LAMA1: variants seen among roughly 807,000 people sequenced by gnomAD.
LAMA1 encodes the protein laminin subunit alpha-1.
LAMA1 carries 219 observed loss-of-function variants against 348.7 expected under a neutral mutation model. The observed-to-expected ratio is 0.63, with a 90% CI of 0.56 to 0.70. The LOEUF is 0.70. LAMA1 is among the 30% of genes least tolerant of loss of function. The pLI, the probability that LAMA1 is intolerant of heterozygous loss-of-function variation, is 0.00. For synonymous variants in LAMA1, 1,487 were observed against 1,491.0 expected (o/e 1.00, Z 0.06); for missense variants, 3,744 against 3,888.0 (o/e 0.96, Z 0.99).
Position 7,017,191 on chromosome 18 carries a change from A to G in LAMA1, c.2808+87T>C, listed in dbSNP as rs201082044. ...TATAGCAGTGTGAGAACAAACTAAT[A>G]CACTTGGGGACTTAGCTCCTTCTGA... On this transcript the variant is annotated intron_variant, in intron 20 of 62. Coordinates refer to ENST00000389658, the MANE Select transcript of LAMA1 (RefSeq NM_005559.4). 6.0e-6 allele frequency: 6 copies of G among 1,002,772 alleles called. No homozygotes were observed. The East Asian group carries it at 1.5e-4, about 25-fold the overall frequency. The allele number at this position is 1,002,772 out of a possible 1,614,324, so 62.1% of individuals were successfully genotyped here. A position where few individuals can be genotyped will look rare whatever the true frequency, so the allele number is the denominator to read the frequency against.
intron 56 of LAMA1, chr18:6,955,998 T>A (rs115037570): frequency 3.2e-6 from 1 of 308,398 alleles, no homozygotes; most frequent in Admixed American, 4.8e-5. Flanking sequence ...CTGCGGGCTG[T>A]CCTAAGAGTG....
intron 57 of LAMA1, among the ~76,000 whole-genome samples, chr18:6,953,174 C>A (rs1156547180): frequency 1.6e-5 from 2 of 128,732 alleles, no homozygotes; most frequent in Non-Finnish European, 3.2e-5. Flanking sequence ...CTGTGTCCAG[C>A]GGATCCACGC....
In LAMA1 at chr18:7,107,841, C is replaced by T. The variant is rs148871292; in HGVS notation, c.61+9819G>A. ...CGTCCTGGCTACCATGGTGAAACCCCGTCTCTACTAAAAATACAAAAAATT... is the reference window on the plus strand; with the variant it reads ...CGTCCTGGCTACCATGGTGAAACCCTGTCTCTACTAAAAATACAAAAAATT... On this transcript the variant is annotated intron_variant, in intron 1 of 62. Coordinates refer to ENST00000389658, the MANE Select transcript of LAMA1 (RefSeq NM_005559.4). Among the ~76,000 whole-genome samples, 635 of 150,992 alleles carry T rather than the reference C, an allele frequency of 4.2e-3. 4 individuals carry two copies. Among genetic ancestry groups the T allele is most frequent in the African/African-American group, 0.014 (593 of 41,190 alleles).
chr18:7,042,114 T>C, intron 9 of LAMA1, 31 bp downstream of exon 9: 1 of 1,457,808 alleles, frequency 6.9e-7, no homozygotes, highest in Admixed American at 1.7e-5. Flanking sequence ...ACAAAATCAA[T>C]TACAAGCACA....
chr18:7,100,359 G>A (rs1372071523), intron 1 of LAMA1, among the ~76,000 whole-genome samples: 1 of 152,016 alleles, frequency 6.6e-6, no homozygotes. Flanking sequence ...CATAGTGTTG[G>A]TAAGAATGTG....
At chr18:7,097,861 C>CCCACGGTCTCCCTCTCCCCTCTTT (rs2058268796) in intron 1 of LAMA1, among the ~76,000 whole-genome samples, 1 of 151,218 alleles carries the variant, frequency 6.6e-6, no homozygotes, top group African/African-American at 2.4e-5. Context: ...CTCCCCTCTC[C>CCCACGGTCTCCCTCTCCCCTCTTT]CCACGGTCTC....
chr18:6,950,919 A>T lies in LAMA1; in HGVS notation c.8260T>A (p.Tyr2754Asn). 1 of 1,614,202 alleles carries T rather than the reference A, an allele frequency of 6.2e-7. No homozygotes were observed. The highest frequency in any genetic ancestry group is 1.1e-5 in the South Asian group (1 of 91,084). The part of the protein sequence containing the change: ...RTFASSGLIY[Y>N]MAHQNQADYA... ...TCTGCTTGGTTCTGATGAGCCATGT[A>T]GTAAATCAGGCCGCTGGAGGCGAAC... The change falls in exon 58 of 63, where the codon TAC becomes AAC. Residue 2754 changes from tyrosine to asparagine, a missense_variant. This residue lies in a region of LAMA1 where 1,983 missense variants were observed against 1,934.3 expected (regional missense o/e 1.03). Transcript: ENST00000389658.
chr18:7,055,041 A>C (rs930642462), intron 3 of LAMA1, among the ~76,000 whole-genome samples: 3 of 152,002 alleles, frequency 2.0e-5, no homozygotes, highest in African/African-American at 7.2e-5. Context: ...ACGGAAGTCA[A>C]ATGTTATTCA....
chr18:7,014,421 G>T (rs1290971966), intron 22 of LAMA1, among the ~76,000 whole-genome samples: 1 of 152,122 alleles, frequency 6.6e-6, no homozygotes, highest in Non-Finnish European at 1.5e-5. Context: ...AGGAGTTTGA[G>T]ACCAGCCTGG....
At position 7,103,193 on chromosome 18, in the gene LAMA1, G is replaced by A. The variant is rs376156401; in HGVS notation, c.61+14467C>T. On this transcript the variant is annotated intron_variant, in intron 1 of 62. Coordinates refer to ENST00000389658, the MANE Select transcript of LAMA1 (RefSeq NM_005559.4). ...ACCACTTTGGGAGGCCGAGGCAGGC[G>A]GATCACGAGGTCAGGAGATCAAGAC... 1.7e-3 allele frequency among the ~76,000 whole-genome samples: 254 copies of A among 152,212 alleles called. 1 individual carries two copies. The highest frequency in any genetic ancestry group is 5.4e-3 in the African/African-American group (226 of 41,552).
At position 6,965,469 on chromosome 18, in the gene LAMA1, T is replaced by G; in HGVS notation, c.7051-37A>C. ...AGAACACAGTTCCCCAGGTTATAGC[T>G]TTATCCCAGGTTTCCCTTTCCCTTC... is the stretch of plus-strand genomic sequence containing the variant. On this transcript the variant is annotated intron_variant, in intron 49 of 62. Coordinates refer to ENST00000389658, the MANE Select transcript of LAMA1 (RefSeq NM_005559.4). 1.9e-6 allele frequency: 3 copies of G among 1,612,398 alleles called. No individual in the cohort carries two copies. The South Asian group carries it at 3.3e-5, about 18-fold the overall frequency.
At chr18:6,999,792 C>T in intron 31 of LAMA1, 119 bp downstream of exon 31, 1 of 1,183,140 alleles carries the variant, frequency 8.5e-7, no homozygotes. Flanking sequence ...TTATTTCAAT[C>T]AAGCACATCC....
In LAMA1 at chr18:6,993,720, C is replaced by T. The variant is rs1258334027; in HGVS notation, c.4929G>A (p.Val1643=). ...TGAAGATTCTCTCAGTTGCCCTATTCACCTTTTGGGTACTCGCTAACATCC... is the reference window on the plus strand; with the variant it reads ...TGAAGATTCTCTCAGTTGCCCTATTTACCTTTTGGGTACTCGCTAACATCC... ...LTRMLASTQK[V]NRATERIFKE... Residue 1643 remains valine (V), a synonymous_variant, in exon 35 of 63, where the codon GTG becomes GTA. Transcript: ENST00000389658. 2 of 1,614,014 alleles carry T rather than the reference C, an allele frequency of 1.2e-6. No homozygotes were observed.
chr18:7,090,252 T>C (rs553957963), intron 1 of LAMA1, among the ~76,000 whole-genome samples: 1 of 152,322 alleles, frequency 6.6e-6, no homozygotes, highest in South Asian at 2.1e-4. Context: ...TCAGTATGAC[T>C]AAAAAATCAA....
chr18:6,978,733 A>G (rs776859459), intron 42 of LAMA1, among the ~76,000 whole-genome samples: 1 of 152,250 alleles, frequency 6.6e-6, no homozygotes, highest in Non-Finnish European at 1.5e-5. Context: ...CATCTTAATA[A>G]GCTGAACTTC....
chr18:7,068,989 AAGC>A (rs2058135063), intron 3 of LAMA1, among the ~76,000 whole-genome samples: 1 of 152,202 alleles, frequency 6.6e-6, no homozygotes, highest in Non-Finnish European at 1.5e-5. Context: ...GGGATATGAA[AAGC>A]ATTTTGTGAT....
chr18:6,962,265 T>A (rs1050753626), intron 51 of LAMA1, among the ~76,000 whole-genome samples: 1 of 151,658 alleles, frequency 6.6e-6, no homozygotes, highest in African/African-American at 2.4e-5. Context: ...CTACAAAAAA[T>A]AAAAAATTAG....
intron 49 of LAMA1, 100 bp downstream of exon 49, chr18:6,966,047 G>A (rs976060215): frequency 2.3e-6 from 3 of 1,297,660 alleles, no homozygotes; most frequent in Admixed American, 3.7e-5. Flanking sequence ...GTATACATAT[G>A]TACATATTTA....
At chr18:7,080,197 T>C (rs2058187280) in intron 2 of LAMA1, 90 bp downstream of exon 2, 5 of 1,590,490 alleles carry the variant, frequency 3.1e-6, no homozygotes, top group East Asian at 2.2e-5. Flanking sequence ...GTGAACACAA[T>C]GTTTATGGCT....
Sources: allele counts gnomAD v4.1 joint callset (sites outside exome capture counted in the v4.1 genomes callset), GRCh38; gene constraint gnomAD v4.1.1; regional missense constraint gnomAD v4.1.1; transcripts MANE v1.5; gene names NCBI Gene and HGNC (gene_info 2026-07-23, HGNC 2026-07-21).